Variants in MGMT observed in about 807,000 individuals in gnomAD.
The protein encoded by MGMT is methylated-DNA--protein-cysteine methyltransferase.
Under a neutral mutation model 15.9 loss-of-function variants are expected in MGMT, and 14 were observed. That is an observed-to-expected ratio of 0.88 (90% confidence interval 0.58 to 1.37). The LOEUF (loss-of-function observed/expected upper bound fraction) is 1.37, where lower values mean the gene tolerates loss of function less well. Ranked by LOEUF, MGMT falls within the 40% of genes most tolerant of loss-of-function variation. The probability of loss-of-function intolerance (pLI) is 0.00; values close to 1 mark genes in which losing one functional copy is unlikely to be tolerated. For synonymous variants in MGMT, 130 were observed against 118.2 expected (o/e 1.10, Z -0.65); for missense variants, 282 against 268.1 (o/e 1.05, Z -0.36).
intron 2 of MGMT, among the ~76,000 whole-genome samples, chr10:129,632,780 T>A (rs552178653): frequency 1.3e-5 from 2 of 151,434 alleles, no homozygotes; most frequent in African/African-American, 4.9e-5. Context: ...TGGGAGTGAC[T>A]GGGTGTCTTT....
At chr10:129,628,801 C>T (rs1847179444) in intron 2 of MGMT, among the ~76,000 whole-genome samples, 1 of 152,182 alleles carries the variant, frequency 6.6e-6, no homozygotes, top group Non-Finnish European at 1.5e-5. Context: ...AATTCAAAGT[C>T]AGATTTAAGC....
chr10:129,734,488 C>T (rs1589965753), intron 3 of MGMT, among the ~76,000 whole-genome samples: 1 of 151,562 alleles, frequency 6.6e-6, no homozygotes, highest in South Asian at 2.1e-4. Flanking sequence ...TCTGGATATA[C>T]AATCATGTCA....
intron 2 of MGMT, among the ~76,000 whole-genome samples, chr10:129,627,036 G>A (rs1847157765): frequency 6.6e-6 from 1 of 152,198 alleles, no homozygotes; most frequent in Non-Finnish European, 1.5e-5. Flanking sequence ...CCCTCACGCT[G>A]GCTTTCAGAA....
At chr10:129,508,534 T>A (rs373450125) in intron 1 of MGMT, among the ~76,000 whole-genome samples, 1 of 143,050 alleles carries the variant, frequency 7.0e-6, no homozygotes, top group African/African-American at 2.7e-5. Context: ...TTTTTTTTTT[T>A]GTTTTTTGTT....
At chr10:129,563,919 G>A (rs1385507621) in intron 2 of MGMT, 9 of 152,388 alleles carry the variant, frequency 5.9e-5, no homozygotes, top group African/African-American at 7.2e-5. Flanking sequence ...CAGCGTGCCC[G>A]GCGGAAGGTG....
intron 1 of MGMT, among the ~76,000 whole-genome samples, chr10:129,473,142 A>C (rs748932256): frequency 2.6e-5 from 4 of 152,208 alleles, no homozygotes; most frequent in Non-Finnish European, 5.9e-5. Flanking sequence ...ATCTGACACG[A>C]TGGCAGTGGC....
chr10:129,663,342 T>G (rs1258506674), intron 2 of MGMT, among the ~76,000 whole-genome samples: 1 of 152,152 alleles, frequency 6.6e-6, no homozygotes, highest in Non-Finnish European at 1.5e-5. Context: ...GCATAGTTAA[T>G]GCAGTGATTA....
Position 129,533,399 on chromosome 10 carries a change from C to G in MGMT, c.-12-2842C>G, listed in dbSNP as rs1401302715. ...CCCACCTGAGTCTGGAGCCCTGAGC[C>G]CAGGCCTCCTGACTCCGACAGCCTG... On this transcript the variant is annotated intron_variant, in intron 1 of 4. Coordinates refer to ENST00000651593, the MANE Select transcript of MGMT (RefSeq NM_002412.5). The surrounding 1 kb of genome is among the most constrained non-coding windows in gnomAD (Gnocchi z 4.5). Among the ~76,000 whole-genome samples the G allele has an allele frequency of 6.6e-6, 1 of 151,736 alleles. No individual in the cohort carries two copies. The highest frequency in any genetic ancestry group is 2.4e-5 in the African/African-American group (1 of 41,306).
intron 1 of MGMT, among the ~76,000 whole-genome samples, chr10:129,502,316 T>C (rs968584612): frequency 3.9e-5 from 6 of 152,190 alleles, no homozygotes; most frequent in African/African-American, 1.4e-4. Flanking sequence ...TTCCTTAGGT[T>C]TGCTGTAAGG....
chr10:129,541,160 G>C (rs1019454240), intron 2 of MGMT, among the ~76,000 whole-genome samples: 1 of 152,250 alleles, frequency 6.6e-6, no homozygotes, highest in East Asian at 1.9e-4. Flanking sequence ...CCACTTACCT[G>C]TGTGTGGCTT....
chr10:129,606,281 C>T (rs891996245), intron 2 of MGMT, among the ~76,000 whole-genome samples: 3 of 152,200 alleles, frequency 2.0e-5, no homozygotes, highest in African/African-American at 7.2e-5. Flanking sequence ...GCCTGTCTGG[C>T]GCTCCGTTCC....
intron 3 of MGMT, 135 bp downstream of exon 3, chr10:129,708,178 G>A (rs549174102): frequency 1.4e-4 from 168 of 1,223,738 alleles, no homozygotes; most frequent in Admixed American, 2.1e-4. Context: ...GCGTTTGGCC[G>A]AGCTGGAGGG....
chr10:129,729,512 C>T (rs566715521), intron 3 of MGMT, among the ~76,000 whole-genome samples: 2 of 152,310 alleles, frequency 1.3e-5, no homozygotes, highest in East Asian at 1.9e-4. Flanking sequence ...CCGTTGGAGC[C>T]GGATTCCATC....
At chr10:129,507,539 A>T (rs1845638258) in intron 1 of MGMT, among the ~76,000 whole-genome samples, 1 of 152,070 alleles carries the variant, frequency 6.6e-6, no homozygotes, top group Non-Finnish European at 1.5e-5. Context: ...TGAATTGGGG[A>T]CAGGGGTGCC....
chr10:129,511,484 G>A (rs61859850), intron 1 of MGMT, among the ~76,000 whole-genome samples: 23,431 of 152,006 alleles, frequency 0.15, 2,501 homozygotes, highest in African/African-American at 0.3. Context: ...ACGCAGCCAC[G>A]TGCTTCTTGT....
intron 2 of MGMT, among the ~76,000 whole-genome samples, chr10:129,551,344 A>G (rs1020481216): frequency 2.0e-5 from 3 of 152,002 alleles, no homozygotes; most frequent in Non-Finnish European, 4.4e-5. Flanking sequence ...GACTTTCGAG[A>G]GAAGGTGGAG....
intron 2 of MGMT, among the ~76,000 whole-genome samples, chr10:129,615,369 C>T (rs1435256356): frequency 6.6e-6 from 1 of 152,162 alleles, no homozygotes; most frequent in Non-Finnish European, 1.5e-5. Flanking sequence ...TCTTTTCCTT[C>T]TCACTGTGTT....
At chr10:129,519,042 A>C (rs1376266946) in intron 1 of MGMT, among the ~76,000 whole-genome samples, 3 of 152,118 alleles carry the variant, frequency 2.0e-5, no homozygotes, top group African/African-American at 7.2e-5. Flanking sequence ...TCACTTCAAG[A>C]ATCAAAGAAC....
chr10:129,546,980 C>G (rs537856041), intron 2 of MGMT, among the ~76,000 whole-genome samples: 3 of 152,120 alleles, frequency 2.0e-5, no homozygotes, highest in South Asian at 4.1e-4. Flanking sequence ...CCCAAACACC[C>G]CAAGTTCTAG....
Sources: allele counts gnomAD v4.1 joint callset (sites outside exome capture counted in the v4.1 genomes callset), GRCh38; gene constraint gnomAD v4.1.1; non-coding constraint Gnocchi (gnomAD v3.1); transcripts MANE v1.5; gene names NCBI Gene and HGNC (gene_info 2026-07-23, HGNC 2026-07-21).